The following DAPK1 variants were observed in gnomAD, a reference collection of about 807,000 sequenced individuals.
DAPK1 encodes death associated protein kinase 1, also known as death-associated protein kinase 1.
A neutral mutation model predicts 144.9 loss-of-function variants in DAPK1; 56 were observed. The observed-to-expected ratio is 0.39, with a 90% CI of 0.31 to 0.48. DAPK1 has a LOEUF of 0.48. DAPK1 is among the 20% of genes least tolerant of loss of function. The probability of loss-of-function intolerance (pLI) is 0.95; values close to 1 mark genes in which losing one functional copy is unlikely to be tolerated. For synonymous variants in DAPK1, 690 were observed against 749.0 expected, an observed-to-expected ratio of 0.92 and a Z score of 1.29; for missense variants, 1,454 against 1,875.4, an observed-to-expected ratio of 0.78 and a Z score of 4.15.
At chr9:87,553,496 CT>C (rs869260287) in intron 2 of DAPK1, 4,235 of 80,294 alleles carry the variant, frequency 0.053, 76 homozygotes, top group Middle Eastern at 0.1. Context: ...CTTTTCTTTT[CT>C]TTTTTTTTTT....
At chr9:87,613,034 C>A (rs1828981360) in intron 3 of DAPK1, among the ~76,000 whole-genome samples, 1 of 152,250 alleles carries the variant, frequency 6.6e-6, no homozygotes, top group African/African-American at 2.4e-5. Context: ...TGTTCTGCTT[C>A]CATTTCGAAG....
intron 2 of DAPK1, among the ~76,000 whole-genome samples, chr9:87,568,052 T>C (rs1827195737): frequency 6.6e-6 from 1 of 152,234 alleles, no homozygotes; most frequent in African/African-American, 2.4e-5. Context: ...TACAAAGCTG[T>C]CACCAGCTCT....
At chr9:87,559,620 A>G (rs1373586530) in intron 2 of DAPK1, among the ~76,000 whole-genome samples, 1 of 152,200 alleles carries the variant, frequency 6.6e-6, no homozygotes, top group Non-Finnish European at 1.5e-5. Context: ...GGACTTGATT[A>G]GCACTGTTTG....
At chr9:87,599,903 C>T (rs1032215321) in intron 2 of DAPK1, among the ~76,000 whole-genome samples, 9 of 152,070 alleles carry the variant, frequency 5.9e-5, no homozygotes, top group African/African-American at 1.7e-4. Context: ...TTAAAGACAT[C>T]GTATATGTAT....
intron 2 of DAPK1, among the ~76,000 whole-genome samples, chr9:87,505,979 G>A (rs1268860779): frequency 6.6e-6 from 1 of 152,062 alleles, no homozygotes; most frequent in South Asian, 2.1e-4. Flanking sequence ...TCAGCCTCTC[G>A]CTGTGCCTGG....
chr9:87,675,106 A>G (rs1222018255), intron 19 of DAPK1, among the ~76,000 whole-genome samples: 1 of 152,142 alleles, frequency 6.6e-6, no homozygotes, highest in Non-Finnish European at 1.5e-5. Flanking sequence ...GCTTCTGTAA[A>G]TAAAGTTTTA....
At chr9:87,560,564 A>G (rs1192518843) in intron 2 of DAPK1, among the ~76,000 whole-genome samples, 1 of 152,058 alleles carries the variant, frequency 6.6e-6, no homozygotes, top group East Asian at 1.9e-4. Context: ...TAGATACCTC[A>G]CATGAGTAGA....
chr9:87,560,807 A>G (rs546335446), intron 2 of DAPK1, among the ~76,000 whole-genome samples: 19 of 151,862 alleles, frequency 1.3e-4, no homozygotes, highest in Non-Finnish European at 1.9e-4. Context: ...CTAAGATTAT[A>G]GGCACCCACC....
chr9:87,658,248 G>C, intron 18 of DAPK1, 121 bp downstream of exon 18: 1 of 606,964 alleles, frequency 1.6e-6, no homozygotes, highest in Non-Finnish European at 3.0e-6. Context: ...CTGCTGTTCA[G>C]CCATAGCTCC....
At chr9:87,543,676 A>G (rs531551436) in intron 2 of DAPK1, among the ~76,000 whole-genome samples, 2 of 152,248 alleles carry the variant, frequency 1.3e-5, no homozygotes, top group African/African-American at 2.4e-5. Context: ...CTTGGGAAAA[A>G]TGTAAAAGAC....
At chr9:87,685,677 A>C (rs2117900736) in intron 20 of DAPK1, among the ~76,000 whole-genome samples, 1 of 152,336 alleles carries the variant, frequency 6.6e-6, no homozygotes, top group South Asian at 2.1e-4. Context: ...CAGGGGACCC[A>C]GACTCTGTTA....
chr9:87,651,898 C>T (rs1587812610), intron 17 of DAPK1, among the ~76,000 whole-genome samples, 174 bp downstream of exon 17: 1 of 134,754 alleles, frequency 7.4e-6, no homozygotes, highest in African/African-American at 2.9e-5. Flanking sequence ...GATTCTGTGT[C>T]CTCTCACCTG....
At chr9:87,546,690 C>T (rs940414273) in intron 2 of DAPK1, among the ~76,000 whole-genome samples, 7 of 152,292 alleles carry the variant, frequency 4.6e-5, no homozygotes, top group Non-Finnish European at 1.0e-4. Context: ...CTTTCTCTGT[C>T]TTTCCCCATC....
chr9:87,599,794 C>A (rs1017418386), intron 2 of DAPK1, among the ~76,000 whole-genome samples: 1 of 152,186 alleles, frequency 6.6e-6, no homozygotes, highest in African/African-American at 2.4e-5. Context: ...AAACACTAAA[C>A]CATTGCTCTT....
In DAPK1 at chr9:87,681,578, A is replaced by G. The variant is rs746522363; in HGVS notation, c.2176A>G (p.Thr726Ala). ...AAGGCGTCGGCCCAGACTGTCTTCC[A>G]CCAACTCCAGCAGGTTCCCACCTTC... ...FRRRRPRLSS[T>A]NSSRFPPSPL... The change falls in exon 20 of 26, where the codon ACC (threonine) becomes GCC (alanine). Residue 726 changes from threonine (T) to alanine (A), a missense_variant. This residue lies in a region of DAPK1 where 1,025 missense variants were observed against 1,237.9 expected (regional missense o/e 0.83). Transcript: ENST00000408954. The G allele has an allele frequency of 1.1e-5, 17 of 1,611,872 alleles. No individual in the cohort carries two copies. The East Asian group carries it at 3.6e-4, about 34-fold the overall frequency.
At chr9:87,670,852 T>A (rs1360581495) in intron 19 of DAPK1, among the ~76,000 whole-genome samples, 1 of 152,146 alleles carries the variant, frequency 6.6e-6, no homozygotes, top group East Asian at 1.9e-4. Flanking sequence ...CCCTGTCAGG[T>A]CACTCGGGAA....
chr9:87,647,222 G>A (rs1564043976), intron 13 of DAPK1, 83 bp from the exon 14 acceptor site: 2 of 1,103,236 alleles, frequency 1.8e-6, no homozygotes, highest in Non-Finnish European at 2.8e-6. Flanking sequence ...CACAGGAAGG[G>A]AAATAACAGT....
chr9:87,684,124 G>A (rs964548441), intron 20 of DAPK1, among the ~76,000 whole-genome samples: 4 of 152,254 alleles, frequency 2.6e-5, no homozygotes, highest in African/African-American at 9.6e-5. Context: ...CCCGGGAAAT[G>A]CAGAGCAGGG....
chr9:87,563,528 C>G (rs1827007278), intron 2 of DAPK1, among the ~76,000 whole-genome samples: 1 of 152,210 alleles, frequency 6.6e-6, no homozygotes, highest in African/African-American at 2.4e-5. Flanking sequence ...TTGCTCTGCC[C>G]AGCAGAGTCT....
Sources: gnomAD v4.1 joint callset for allele counts (sites outside exome capture counted in the v4.1 genomes callset) on GRCh38, gnomAD v4.1.1 for gene constraint, gnomAD v4.1.1 regional missense constraint, MANE v1.5 for transcripts, NCBI Gene and HGNC (gene_info 2026-07-23, HGNC 2026-07-21) for gene names.